Variants in SLC6A16 observed in about 807,000 individuals in gnomAD.
SLC6A16 encodes orphan sodium- and chloride-dependent neurotransmitter transporter NTT5.
SLC6A16 carries 54 observed loss-of-function variants against 65.4 expected under a neutral mutation model. The observed-to-expected ratio is 0.83, with a 90% CI of 0.66 to 1.04. The LOEUF (loss-of-function observed/expected upper bound fraction) is 1.04, where lower values mean the gene tolerates loss of function less well. Ranked by LOEUF, SLC6A16 falls within the 50% of genes least tolerant of loss-of-function variation. The pLI is 0.00. For synonymous variants in SLC6A16, 330 were observed against 346.5 expected (o/e 0.95, Z 0.53); for missense variants, 816 against 914.0 (o/e 0.89, Z 1.38).
chr19:49,309,006 A>G lies in SLC6A16; in HGVS notation c.1099T>C (p.Ser367Pro). The G allele has an allele frequency of 6.2e-7, 1 of 1,614,214 alleles. No individual in the cohort carries two copies. The highest frequency in any genetic ancestry group is 8.5e-7 in the Non-Finnish European group (1 of 1,180,038). ...VASLASYMPQSNNCLSDAFLV... is the reference protein window; with the variant it reads ...VASLASYMPQPNNCLSDAFLV... ...AAGGCATCACTGAGACAGTTGTTGGACTGGGGCATGTAGGAGGCTAAGGAG... is the reference window on the plus strand; with the variant it reads ...AAGGCATCACTGAGACAGTTGTTGGGCTGGGGCATGTAGGAGGCTAAGGAG... Residue 367 changes from serine (S) to proline (P), a missense_variant, in exon 7 of 12, where the codon TCC becomes CCC. Transcript: ENST00000335875.
chr19:49,303,935 C>G (rs1970334873), intron 7 of SLC6A16, among the ~76,000 whole-genome samples: 1 of 152,182 alleles, frequency 6.6e-6, no homozygotes, highest in South Asian at 2.1e-4. Context: ...AATTGAACTT[C>G]ATAATGGACC....
At chr19:49,295,573 A>T (rs1970170133) in intron 7 of SLC6A16, among the ~76,000 whole-genome samples, 1 of 152,238 alleles carries the variant, frequency 6.6e-6, no homozygotes, top group South Asian at 2.1e-4. Flanking sequence ...AGGCTGGAAG[A>T]TATTTTTAAA....
At chr19:49,317,210 A>ACC in intron 1 of SLC6A16, among the ~76,000 whole-genome samples, 1 of 152,000 alleles carries the variant, frequency 6.6e-6, no homozygotes, top group East Asian at 1.9e-4. Context: ...GCATGGTGGG[A>ACC]CACACCTGTA....
chr19:49,336,612 G>A, the SLC6A16 span: 1 of 334,702 alleles, frequency 3.0e-6, no homozygotes, highest in Non-Finnish European at 5.6e-6. Context: ...GAGGTTTAAG[G>A]AGCCAAGCCA....
the SLC6A16 span, chr19:49,336,944 G>C: frequency 1.2e-6 from 2 of 1,614,204 alleles, no homozygotes; most frequent in South Asian, 2.2e-5. Flanking sequence ...CTGGTCCAAA[G>C]TCCTGGCCAT....
intron 10 of SLC6A16, 36 bp from the exon 11 acceptor site, chr19:49,290,803 T>G: frequency 1.3e-6 from 2 of 1,569,644 alleles, no homozygotes; most frequent in Middle Eastern, 1.9e-4. Flanking sequence ...GATGCCCAGT[T>G]AGGCCTCACC....
chr19:49,337,715 A>G, the SLC6A16 span: 3 of 1,534,472 alleles, frequency 2.0e-6, no homozygotes, highest in Non-Finnish European at 2.6e-6. Flanking sequence ...AGAAAGAAAT[A>G]GACGCCCTGA....
At chr19:49,299,752 G>GGA (rs1970252224) in intron 7 of SLC6A16, among the ~76,000 whole-genome samples, 3 of 151,882 alleles carry the variant, frequency 2.0e-5, no homozygotes, top group Admixed American at 6.6e-5. Flanking sequence ...GCTGGGCATG[G>GGA]TGGCTCACGC....
intron 7 of SLC6A16, 22 bp from the exon 8 acceptor site, chr19:49,294,575 A>C (rs778855518): frequency 1.9e-6 from 3 of 1,569,450 alleles, no homozygotes; most frequent in Admixed American, 1.9e-5. Flanking sequence ...GGGTTGAATC[A>C]AATCGAACCA....
chr19:49,340,205 G>A, the SLC6A16 span: 14 of 1,550,538 alleles, frequency 9.0e-6, no homozygotes, highest in Non-Finnish European at 1.2e-5. Flanking sequence ...CCCCCGTCTC[G>A]CCAGCACCCC....
upstream of SLC6A16, among the ~76,000 whole-genome samples, chr19:49,329,504 C>T (rs77330251): frequency 0.022 from 3,329 of 151,870 alleles, 124 homozygotes; most frequent in African/African-American, 0.07. Flanking sequence ...ATGACTCAGC[C>T]GGGAGCGGTG....
chr19:49,299,061 C>T (rs1258031900), intron 7 of SLC6A16, among the ~76,000 whole-genome samples: 4 of 151,514 alleles, frequency 2.6e-5, no homozygotes, highest in African/African-American at 7.3e-5. Context: ...CTGGCTAACA[C>T]GGTGAAACCC....
rs1309150109 is a variant in SLC6A16 at position 49,294,362 on chromosome 19, C to G, written c.1416+5G>C. The G allele has an allele frequency of 6.2e-7, 1 of 1,613,666 alleles. No individual in the cohort carries two copies. Among genetic ancestry groups the G allele is most frequent in the South Asian group, 1.1e-5 (1 of 91,002 alleles). ...TAGGCTCCCCCCTCAGCTATGTTTA[C>G]TGACCTTAAGAAACTGAGTCTCTAT... is the stretch of plus-strand genomic sequence containing the variant. On this transcript the variant is annotated splice_donor_5th_base_variant and intron_variant, in intron 8 of 11. Transcript: ENST00000335875.
At chr19:49,334,492 A>G in the SLC6A16 span, among the ~76,000 whole-genome samples, 1 of 151,306 alleles carries the variant, frequency 6.6e-6, no homozygotes, top group Non-Finnish European at 1.5e-5. Context: ...CAAAAACAAA[A>G]GAGAGATGAA....
intron 7 of SLC6A16, among the ~76,000 whole-genome samples, chr19:49,295,165 C>T (rs1335570321): frequency 1.3e-5 from 2 of 152,028 alleles, no homozygotes; most frequent in South Asian, 2.1e-4. Context: ...CTTAAAAATT[C>T]AGCTCATTGA....
intron 1 of SLC6A16, among the ~76,000 whole-genome samples, chr19:49,314,993 A>T (rs1194824641): frequency 6.6e-6 from 1 of 152,022 alleles, no homozygotes; most frequent in Non-Finnish European, 1.5e-5. Flanking sequence ...AGATAGCCAC[A>T]TGAACACCAA....
intron 1 of SLC6A16, among the ~76,000 whole-genome samples, chr19:49,318,213 A>G (rs1336145137): frequency 6.6e-6 from 1 of 152,272 alleles, no homozygotes; most frequent in Non-Finnish European, 1.5e-5. Context: ...GGGGAACTAC[A>G]GGTAAAACAA....
At chr19:49,309,231 G>C (rs945440506) in intron 6 of SLC6A16, 70 bp downstream of exon 6, 19 of 1,575,116 alleles carry the variant, frequency 1.2e-5, no homozygotes, top group Non-Finnish European at 1.7e-5. Context: ...AATGGGGAAA[G>C]GAAGCTCTAA....
In SLC6A16 at chr19:49,292,600, G is replaced by A. The variant is rs1448960953; in HGVS notation, c.1778+623C>T. 1.3e-5 allele frequency among the ~76,000 whole-genome samples: 2 copies of A among 152,128 alleles called. No homozygotes were observed. Among genetic ancestry groups the A allele is most frequent in the South Asian group, 4.1e-4 (2 of 4,824 alleles). The stretch of plus-strand genomic sequence containing the variant: ...TATCGTGGCTTACAAAACCCTACAT[G>A]ACTTGGCCACCATCACTTCTCTAGC... On this transcript the variant is annotated intron_variant, in intron 10 of 11. Transcript: ENST00000335875. This position sits in a 1 kb window ranked among gnomAD's most constrained non-coding sequence, Gnocchi z 4.3.
Sources: gnomAD v4.1 joint callset for allele counts (sites outside exome capture counted in the v4.1 genomes callset) on GRCh38, gnomAD v4.1.1 for gene constraint, Gnocchi (gnomAD v3.1) non-coding constraint, MANE v1.5 for transcripts, NCBI Gene and HGNC (gene_info 2026-07-23, HGNC 2026-07-21) for gene names.